Variants in ZC3H12B observed in about 807,000 individuals in gnomAD.
ZC3H12B encodes probable ribonuclease ZC3H12B.
A neutral mutation model predicts 43.9 loss-of-function variants in ZC3H12B; 7 were observed. The observed-to-expected ratio is 0.16, with a 90% confidence interval of 0.09 to 0.30. ZC3H12B has a LOEUF of 0.30. Ranked by LOEUF, ZC3H12B falls within the 10% of genes least tolerant of loss-of-function variation. The pLI, the probability that ZC3H12B is intolerant of heterozygous loss-of-function variation, is 1.00. For missense variants in ZC3H12B, 475 were observed against 670.2 expected (o/e 0.71, Z 3.22); for synonymous variants, 222 against 241.7 (o/e 0.92, Z 0.76).
the ZC3H12B span, among the ~76,000 whole-genome samples, chrX:65,146,434 A>G: frequency 4.5e-5 from 5 of 111,797 alleles, no homozygotes; most frequent in Admixed American, 4.7e-4. Context: ...TCACTTAATA[A>G]CTAACCTTCT....
At chrX:65,122,968 C>A in the ZC3H12B span, among the ~76,000 whole-genome samples, 1 of 111,850 alleles carries the variant, frequency 8.9e-6, no homozygotes, top group Non-Finnish European at 1.9e-5. Flanking sequence ...CAACATTAGA[C>A]AGATCAACAA....
At chrX:65,489,200 C>A in exon 1 of ZC3H12B, 1 of 1,211,371 alleles carries the variant, frequency 8.3e-7, no homozygotes, top group Admixed American at 2.2e-5. Flanking sequence ...ACAAGCTGGG[C>A]CCAGAATCAC....
upstream of ZC3H12B, among the ~76,000 whole-genome samples, chrX:65,483,823 G>A (rs1490894459): frequency 9.0e-6 from 1 of 111,710 alleles, no homozygotes; most frequent in African/African-American, 3.3e-5. Flanking sequence ...TCATCCTTTA[G>A]GTCCCACTTA....
chrX:65,221,199 AG>A, the ZC3H12B span, among the ~76,000 whole-genome samples: 1 of 111,899 alleles, frequency 8.9e-6, no homozygotes, highest in Non-Finnish European at 1.9e-5. Flanking sequence ...ATACAGCAAA[AG>A]GTGGTGCTAA....
chrX:65,199,262 C>T, the ZC3H12B span, among the ~76,000 whole-genome samples: 1 of 107,578 alleles, frequency 9.3e-6, no homozygotes, highest in Non-Finnish European at 1.9e-5. Flanking sequence ...ATCAGTTCTG[C>T]TGTTAAGAGA....
chrX:65,130,306 A>G, the ZC3H12B span, among the ~76,000 whole-genome samples: 2 of 111,285 alleles, frequency 1.8e-5, no homozygotes, highest in South Asian at 7.6e-4. Context: ...TTATTGGACT[A>G]TATAGAGGTG....
chrX:65,062,515 C>CTA, the ZC3H12B span, among the ~76,000 whole-genome samples: 11 of 111,533 alleles, frequency 9.9e-5, no homozygotes, highest in South Asian at 2.6e-3. Context: ...TAACATTTGT[C>CTA]TATATATATG....
At position 65,393,630 on chromosome X, in the gene ZC3H12B, G is replaced by A. The variant is rs1035259329; in HGVS notation, n.296-4963G>A. ...TTTTATGGCTGCATAATATTTCATG[G>A]TGTATAAGTACAACATATGCAATAA... is the stretch of plus-strand genomic sequence containing the variant. On this transcript the variant is annotated intron_variant and non_coding_transcript_variant, in intron 2 of 5. Transcript: ENST00000617377. Among the ~76,000 whole-genome samples, 5 of 111,858 alleles carry A rather than the reference G, an allele frequency of 4.5e-5. 1 individual carries two copies. The highest frequency in any genetic ancestry group is 1.6e-4 in the African/African-American group (5 of 30,766).
chrX:65,245,762 G>A, the ZC3H12B span, among the ~76,000 whole-genome samples: 2 of 111,289 alleles, frequency 1.8e-5, no homozygotes, highest in Admixed American at 1.9e-4. Context: ...AAATCTGGAA[G>A]CAGTCCCCTT....
At chrX:65,320,357 A>G in the ZC3H12B span, among the ~76,000 whole-genome samples, 1 of 111,638 alleles carries the variant, frequency 9.0e-6, no homozygotes, top group African/African-American at 3.3e-5. Context: ...AAAAATATAT[A>G]CAATGAGAAA....
At chrX:65,228,443 A>T in the ZC3H12B span, among the ~76,000 whole-genome samples, 2 of 111,426 alleles carry the variant, frequency 1.8e-5, no homozygotes, top group South Asian at 7.6e-4. Context: ...AATGGACAAA[A>T]ACTGGAAGCA....
intron 1 of ZC3H12B, among the ~76,000 whole-genome samples, chrX:65,496,347 A>G (rs2068281657): frequency 1.8e-5 from 2 of 112,036 alleles, no homozygotes; most frequent in South Asian, 7.3e-4. Flanking sequence ...TTGAAGCTTA[A>G]TATATATGTG....
intron 3 of ZC3H12B, among the ~76,000 whole-genome samples, chrX:65,442,068 G>A (rs2067308386): frequency 9.5e-6 from 1 of 105,184 alleles, no homozygotes; most frequent in African/African-American, 3.5e-5. Context: ...TTCTTTTTTA[G>A]TATGACCATG....
chrX:65,327,856 A>T, the ZC3H12B span: 1 of 124,083 alleles, frequency 8.1e-6, no homozygotes, highest in Non-Finnish European at 1.8e-5. Flanking sequence ...TTCTCTGTTT[A>T]AAATCAAACA....
At chrX:65,501,717 T>G (rs1281491399) in intron 4 of ZC3H12B, 72 bp from the exon 10 acceptor site, 2 of 1,019,498 alleles carry the variant, frequency 2.0e-6, no homozygotes, top group African/African-American at 3.9e-5. Flanking sequence ...GTGACCAGAT[T>G]GTTACAACAG....
intron 3 of ZC3H12B, among the ~76,000 whole-genome samples, chrX:65,454,879 G>A (rs1039307572): frequency 2.7e-5 from 3 of 111,925 alleles, no homozygotes; most frequent in Non-Finnish European, 3.8e-5. Context: ...GTCTGGAGTG[G>A]ATTTCCGGCA....
At chrX:65,094,316 G>A in the ZC3H12B span, among the ~76,000 whole-genome samples, 2 of 106,423 alleles carry the variant, frequency 1.9e-5, no homozygotes, top group Non-Finnish European at 3.9e-5. Context: ...ATAGCAATTC[G>A]AGTACTGACT....
intron 3 of ZC3H12B, among the ~76,000 whole-genome samples, chrX:65,429,427 T>C (rs2148104632): frequency 8.9e-6 from 1 of 112,567 alleles, no homozygotes; most frequent in South Asian, 3.7e-4. Context: ...AGATCAGAGC[T>C]CTGTCTGTAG....
the ZC3H12B span, among the ~76,000 whole-genome samples, chrX:65,069,232 C>G: frequency 9.5e-6 from 1 of 105,582 alleles, no homozygotes; most frequent in Non-Finnish European, 1.9e-5. Context: ...GTCTTTTTTT[C>G]TACCTCCTCT....
Sources: gnomAD v4.1 joint callset for allele counts (sites outside exome capture counted in the v4.1 genomes callset) on GRCh38, gnomAD v4.1.1 for gene constraint, MANE v1.5 for transcripts, NCBI Gene and HGNC (gene_info 2026-07-23, HGNC 2026-07-21) for gene names.